The following C5orf22 variants were observed in gnomAD, a reference collection of about 807,000 sequenced individuals.
The protein encoded by C5orf22 is UPF0489 protein C5orf22.
In C5orf22, 36 loss-of-function variants were observed where a neutral mutation model predicts 48.7. The ratio of observed to expected loss-of-function variants is 0.74; its 90% CI spans 0.57 to 0.98. The LOEUF (loss-of-function observed/expected upper bound fraction) is 0.98. Ranked by LOEUF, C5orf22 falls within the 50% of genes least tolerant of loss-of-function variation. The pLI is 0.00. For synonymous variants in C5orf22, 141 were observed against 180.8 expected (o/e 0.78, Z 1.76); for missense variants, 486 against 521.9 (o/e 0.93, Z 0.67).
intron 7 of C5orf22, chr5:31,548,424 C>G (rs1377384424): frequency 2.5e-5 from 8 of 318,898 alleles, no homozygotes; most frequent in Non-Finnish European, 4.4e-5. Flanking sequence ...CCACACATCT[C>G]TAGGGCAGGG....
chr5:31,532,498 G>T, intron 1 of C5orf22, 25 bp downstream of exon 1: 1 of 1,600,248 alleles, frequency 6.2e-7, no homozygotes, highest in Non-Finnish European at 8.6e-7. Context: ...ACAGGGCTCT[G>T]GGGCAGAATC....
chr5:31,533,006 G>A (rs996527095), intron 1 of C5orf22, among the ~76,000 whole-genome samples: 1 of 151,912 alleles, frequency 6.6e-6, no homozygotes, highest in African/African-American at 2.4e-5. Context: ...CCAGACTGGA[G>A]TGCAGTGGCG....
chr5:31,534,528 T>C, intron 2 of C5orf22, 111 bp downstream of exon 2: 1 of 982,422 alleles, frequency 1.0e-6, no homozygotes, highest in Non-Finnish European at 1.5e-6. Flanking sequence ...GGGGGTTTTT[T>C]GTTTGTCTTT....
chr5:31,536,434 A>G (rs1742098281), intron 3 of C5orf22, among the ~76,000 whole-genome samples: 1 of 152,188 alleles, frequency 6.6e-6, no homozygotes, highest in Non-Finnish European at 1.5e-5. Flanking sequence ...GAGGCAGGAG[A>G]ATGGCGTGAA....
chr5:31,551,704 C>CA lies in C5orf22; in HGVS notation c.1199+273dup, dbSNP rs568815118. 9.2e-5 allele frequency among the ~76,000 whole-genome samples: 14 copies of CA among 152,270 alleles called. No homozygotes were observed. The South Asian group carries it at 2.9e-3, about 32-fold the overall frequency. The stretch of plus-strand genomic sequence containing the variant: ...GGTGGAGGCCACAAGCTAAGGAACA[C>CA]AGGCAGCCTTTAGAAGCTAGAAAAG... On this transcript the variant is annotated intron_variant, in intron 8 of 8. Transcript: ENST00000325366.
chr5:31,548,476 C>A, intron 7 of C5orf22: 1 of 398,520 alleles, frequency 2.5e-6, no homozygotes, highest in South Asian at 1.9e-5. Context: ...TAACAAGAGT[C>A]ACCTTTGTTC....
Position 31,547,858 on chromosome 5 carries a change from A to G in C5orf22, c.1059+2146A>G, listed in dbSNP as rs1021746249. ...GACATGCCCCAGATACATTTTCCCT[A>G]TTGTCTTGGGGATTAACATTTGGCT... On this transcript the variant is annotated intron_variant, in intron 7 of 8. Coordinates refer to ENST00000325366, the MANE Select transcript of C5orf22 (RefSeq NM_018356.3). Among the ~76,000 whole-genome samples the G allele has an allele frequency of 2.0e-5, 3 of 152,062 alleles. No homozygotes were observed. The East Asian group carries it at 5.8e-4, about 29-fold the overall frequency.
Position 31,552,965 on chromosome 5 carries a change from T to C in C5orf22, c.*63T>C. 1 of 1,464,120 alleles carries C rather than the reference T, an allele frequency of 6.8e-7. No individual in the cohort carries two copies. Among genetic ancestry groups the C allele is most frequent in the Non-Finnish European group, 9.5e-7 (1 of 1,056,314 alleles). The allele number at this position is 1,464,120 out of a possible 1,614,324, so 90.7% of individuals were successfully genotyped here. On this transcript the variant is annotated 3_prime_UTR_variant, in exon 9 of 9. Transcript: ENST00000325366. Reference sequence around the variant, plus strand: ...TAGTAACAGGCCCTTAATTAACTTATTTGTACATGAGTCTTCCAGAGAACA... The same window carrying C: ...TAGTAACAGGCCCTTAATTAACTTACTTGTACATGAGTCTTCCAGAGAACA...
At position 31,552,756 on chromosome 5, in the gene C5orf22, C is replaced by T; in HGVS notation, c.1200-17C>T. On this transcript the variant is annotated splice_polypyrimidine_tract_variant and intron_variant, in intron 8 of 8. Coordinates refer to ENST00000325366, the MANE Select transcript of C5orf22 (RefSeq NM_018356.3). ...TCCTATGTGTATTTTTCTTCTTTCTCTTTCTGTTGGTTCTAGGTCAAGTCT... is the reference window on the plus strand; with the variant it reads ...TCCTATGTGTATTTTTCTTCTTTCTTTTTCTGTTGGTTCTAGGTCAAGTCT... 1 of 1,609,208 alleles carries T rather than the reference C, an allele frequency of 6.2e-7. No individual in the cohort carries two copies. Among genetic ancestry groups the T allele is most frequent in the East Asian group, 2.2e-5 (1 of 44,812 alleles).
chr5:31,547,354 C>T (rs1742959649), intron 7 of C5orf22, among the ~76,000 whole-genome samples: 1 of 152,248 alleles, frequency 6.6e-6, no homozygotes, highest in South Asian at 2.1e-4. Context: ...ACAGTACAAG[C>T]TGTCAGTGGA....
chr5:31,544,720 G>A (rs1742737613), intron 6 of C5orf22, among the ~76,000 whole-genome samples: 1 of 152,192 alleles, frequency 6.6e-6, no homozygotes, highest in African/African-American at 2.4e-5. Context: ...AGGCTTACTT[G>A]AGGCCAAGAG....
intron 7 of C5orf22, among the ~76,000 whole-genome samples, chr5:31,549,598 A>G (rs1486333123): frequency 6.6e-6 from 1 of 152,122 alleles, no homozygotes; most frequent in African/African-American, 2.4e-5. Context: ...TTTTGAGGCC[A>G]GGAGCAGTGG....
Position 31,532,439 on chromosome 5 carries a change from A to C in C5orf22, c.47A>C (p.Lys16Thr). 6.2e-7 allele frequency: 1 copy of C among 1,613,930 alleles called. No homozygotes were observed. Among genetic ancestry groups the C allele is most frequent in the Non-Finnish European group, 8.5e-7 (1 of 1,179,940 alleles). The change falls in exon 1 of 9, where the codon AAG becomes ACG. Residue 16 changes from lysine to threonine, a missense_variant. Lys to Thr is a moderately conservative substitution (Grantham distance 78). This residue lies in a region of C5orf22 where 74 missense variants were observed against 61.2 expected (regional missense o/e 1.21). Transcript: ENST00000325366. ...CGCGCTGGTCTCCGGCGTTACCCCA[A>C]GCTCCCAGTGTGGGTGGTGGAGGAT... ...GGRAGLRRYP[K>T]LPVWVVEDHQ...
intron 7 of C5orf22, among the ~76,000 whole-genome samples, chr5:31,547,040 T>TCAAAAG (rs1405626116): frequency 6.6e-6 from 1 of 152,132 alleles, no homozygotes; most frequent in African/African-American, 2.4e-5. Context: ...GCCTGTAAAA[T>TCAAAAG]CAAAAGCAAG....
chr5:31,550,540 TA>T (rs1460511854), intron 7 of C5orf22, among the ~76,000 whole-genome samples: 1 of 152,192 alleles, frequency 6.6e-6, no homozygotes, highest in African/African-American at 2.4e-5. Context: ...AATAATGTGT[TA>T]AAAATGAGAT....
In C5orf22 at chr5:31,538,443, G is replaced by A. The variant is rs781739068; in HGVS notation, c.561G>A (p.Ser187=). The A allele has an allele frequency of 5.2e-5, 84 of 1,614,014 alleles. No homozygotes were observed. Among genetic ancestry groups the A allele is most frequent in the East Asian group, 1.8e-4 (8 of 44,888 alleles). Reference sequence around the variant, plus strand: ...AACCAAAGCTAGCCCTGGAAGATTCGGAAAACACTGCCTCTACTAACTGTG... The same window carrying A: ...AACCAAAGCTAGCCCTGGAAGATTCAGAAAACACTGCCTCTACTAACTGTG... The part of the protein sequence containing the change: ...AKKPKLALED[S]ENTASTNCDS... Residue 187 remains serine, a synonymous_variant, in exon 4 of 9, where the codon TCG becomes TCA. Coordinates refer to ENST00000325366, the MANE Select transcript of C5orf22 (RefSeq NM_018356.3).
chr5:31,553,001 T>G lies in C5orf22; in HGVS notation c.*99T>G. 2 of 1,055,106 alleles carry G rather than the reference T, an allele frequency of 1.9e-6. No individual in the cohort carries two copies. The highest frequency in any genetic ancestry group is 1.7e-5 in the South Asian group (1 of 57,348). The allele number at this position is 1,055,106 out of a possible 1,614,324, so 65.4% of individuals were successfully genotyped here. A position where few individuals can be genotyped will look rare whatever the true frequency, so the allele number is the denominator to read the frequency against. ...GTCTTCCAGAGAACACTGTTTTATA[T>G]TAACTTTCAGTTGAAATCTTTCAGA... On this transcript the variant is annotated 3_prime_UTR_variant, in exon 9 of 9. Transcript: ENST00000325366.
chr5:31,547,821 G>A (rs13164463), intron 7 of C5orf22, among the ~76,000 whole-genome samples: 1,827 of 152,294 alleles, frequency 0.012, 15 homozygotes, highest in Admixed American at 0.017. Flanking sequence ...AGGGGCTACC[G>A]CAAAGGTCTC....
rs1743470603 is a variant in C5orf22 at position 31,554,366 on chromosome 5, T to A, written c.*1464T>A. 2 of 152,218 alleles carry A rather than the reference T, an allele frequency of 1.3e-5. No homozygotes were observed. The highest frequency in any genetic ancestry group is 4.8e-5 in the African/African-American group (2 of 41,466). 9.4% of individuals were successfully genotyped at this position (152,218 alleles called of 1,614,324 possible). On this transcript the variant is annotated 3_prime_UTR_variant, in exon 9 of 9. Coordinates refer to ENST00000325366, the MANE Select transcript of C5orf22 (RefSeq NM_018356.3). The stretch of plus-strand genomic sequence containing the variant: ...CACATTATCATTGCCTCACAGTGGA[T>A]GGCACCTGACCCCATTTTTCCAAGG...
Sources: allele counts gnomAD v4.1 joint callset (sites outside exome capture counted in the v4.1 genomes callset), GRCh38; gene constraint gnomAD v4.1.1; regional missense constraint gnomAD v4.1.1; transcripts MANE v1.5; gene names NCBI Gene and HGNC (gene_info 2026-07-23, HGNC 2026-07-21).